Variants in KIF16B observed in about 807,000 individuals in gnomAD.
KIF16B encodes the protein kinesin family member 16B.
KIF16B carries 98 observed loss-of-function variants against 156.3 expected under a neutral mutation model. The observed-to-expected ratio is 0.63, with a 90% CI of 0.53 to 0.74. The LOEUF is 0.74. Among genes scored for constraint, KIF16B ranks in the 30% least tolerant of loss-of-function variants. The pLI is 0.00. For synonymous variants in KIF16B, 564 were observed against 583.7 expected, an observed-to-expected ratio of 0.97 and a Z score of 0.49; for missense variants, 1,421 against 1,606.5, an observed-to-expected ratio of 0.88 and a Z score of 1.97.
At chr20:16,386,633 C>T (rs1157542548) in intron 17 of KIF16B, among the ~76,000 whole-genome samples, 2 of 151,504 alleles carry the variant, frequency 1.3e-5, no homozygotes, top group Non-Finnish European at 2.9e-5. Flanking sequence ...TATCAACAAG[C>T]AGGAGACAGA....
intron 10 of KIF16B, among the ~76,000 whole-genome samples, chr20:16,501,857 G>C (rs1201309404): frequency 1.3e-5 from 2 of 152,134 alleles, no homozygotes; most frequent in African/African-American, 4.8e-5. Flanking sequence ...AGAGAAAGGG[G>C]AGTAGTTCCT....
chr20:16,273,500 AG>A, intron 25 of KIF16B, 89 bp from the exon 26 acceptor site: 2 of 1,036,046 alleles, frequency 1.9e-6, no homozygotes, highest in Admixed American at 1.9e-5. Context: ...AGACCAGTCC[AG>A]GCAACATGGA....
At chr20:16,510,956 C>A (rs2068938076) in intron 6 of KIF16B, among the ~76,000 whole-genome samples, 1 of 152,188 alleles carries the variant, frequency 6.6e-6, no homozygotes, top group Non-Finnish European at 1.5e-5. Flanking sequence ...GCATTCCTCA[C>A]AACTGACTGT....
intron 25 of KIF16B, among the ~76,000 whole-genome samples, chr20:16,284,991 G>C (rs1328911905): frequency 6.6e-6 from 1 of 152,176 alleles, no homozygotes; most frequent in Non-Finnish European, 1.5e-5. Flanking sequence ...ACCATCTTCT[G>C]GAGCTTTCTG....
At chr20:16,312,745 CAT>C (rs756448068) in intron 24 of KIF16B, among the ~76,000 whole-genome samples, 2 of 149,636 alleles carry the variant, frequency 1.3e-5, no homozygotes, top group African/African-American at 4.9e-5. Flanking sequence ...TTTTAAAACA[CAT>C]GTTTGTTCTT....
At chr20:16,476,179 C>T (rs1042624020) in intron 12 of KIF16B, among the ~76,000 whole-genome samples, 4 of 152,186 alleles carry the variant, frequency 2.6e-5, no homozygotes, top group African/African-American at 7.2e-5. Flanking sequence ...AACTAAAACG[C>T]AGTCTGTAGA....
intron 12 of KIF16B, among the ~76,000 whole-genome samples, chr20:16,493,302 C>T (rs928878254): frequency 1.3e-5 from 2 of 152,134 alleles, no homozygotes; most frequent in Non-Finnish European, 2.9e-5. Flanking sequence ...GCAAGGAGAA[C>T]ATTACATAAT....
At chr20:16,513,527 G>A (rs2069028966) in intron 4 of KIF16B, among the ~76,000 whole-genome samples, 1 of 152,022 alleles carries the variant, frequency 6.6e-6, no homozygotes, top group South Asian at 2.1e-4. Context: ...GAGTGTGGTG[G>A]CACATGCCTG....
intron 12 of KIF16B, among the ~76,000 whole-genome samples, chr20:16,461,535 A>T (rs2067344869): frequency 6.6e-6 from 1 of 152,232 alleles, no homozygotes; most frequent in African/African-American, 2.4e-5. Flanking sequence ...TAATTTATAC[A>T]TTAAAAAACA....
At chr20:16,527,150 G>A (rs1306640514) in intron 2 of KIF16B, among the ~76,000 whole-genome samples, 2 of 152,194 alleles carry the variant, frequency 1.3e-5, no homozygotes, top group East Asian at 1.9e-4. Context: ...GTAGAAACAT[G>A]AGAATATGCG....
chr20:16,569,499 A>G (rs2071382450), intron 1 of KIF16B, among the ~76,000 whole-genome samples: 1 of 152,178 alleles, frequency 6.6e-6, no homozygotes, highest in Admixed American at 6.5e-5. Flanking sequence ...AAATAAACTC[A>G]TCACATCTTG....
intron 1 of KIF16B, among the ~76,000 whole-genome samples, chr20:16,560,786 A>G (rs1362833432): frequency 1.3e-5 from 2 of 152,024 alleles, no homozygotes; most frequent in Non-Finnish European, 2.9e-5. Context: ...TATTATCTCA[A>G]AAAAAAAGAA....
intron 1 of KIF16B, among the ~76,000 whole-genome samples, chr20:16,551,398 G>C (rs2070657021): frequency 6.6e-6 from 1 of 152,196 alleles, no homozygotes; most frequent in Non-Finnish European, 1.5e-5. Flanking sequence ...CAAAGTGCTG[G>C]GATTACAGGC....
chr20:16,355,823 GA>G (rs2064429722), intron 23 of KIF16B, among the ~76,000 whole-genome samples: 1 of 152,158 alleles, frequency 6.6e-6, no homozygotes, highest in African/African-American at 2.4e-5. Flanking sequence ...AAACAACAAT[GA>G]AAATAGCAGT....
rs1241913734 is a variant in KIF16B, at chr20:16,379,649, G to T, written c.2353C>A (p.Gln785Lys). 1.9e-6 allele frequency: 3 copies of T among 1,613,954 alleles called. No individual in the cohort carries two copies. Among genetic ancestry groups the T allele is most frequent in the Admixed American group, 3.3e-5 (2 of 60,010 alleles). The change falls in exon 19 of 26, where the codon CAG becomes AAG. Residue 785 changes from glutamine (Q) to lysine (K), a missense_variant. Gln to Lys is a moderately conservative substitution (Grantham distance 53, BLOSUM62 1). Transcript: ENST00000354981. ...MIQLLRRGEVQWVEEEKRDLE... is the reference protein window; with the variant it reads ...MIQLLRRGEVKWVEEEKRDLE... ...TCCCTCTTCTCCTCTTCCACCCACT[G>T]TACCTCCCCACGCCGCAGGAGCTGG...
intron 17 of KIF16B, among the ~76,000 whole-genome samples, chr20:16,385,502 G>T (rs1306222246): frequency 1.3e-5 from 2 of 152,180 alleles, no homozygotes; most frequent in African/African-American, 4.8e-5. Flanking sequence ...CTGAGACCAT[G>T]AACAAGTTAT....
rs146134021 is a variant in KIF16B, at chr20:16,570,766, C to T, written c.47+2463G>A. ...CCACCTCCTTCAGGATGCTCTTCTC[C>T]CTTTCCTGCCATGACCATTTGCTGT... On this transcript the variant is annotated intron_variant, in intron 1 of 25. Transcript: ENST00000354981. 1.4e-3 allele frequency among the ~76,000 whole-genome samples: 212 copies of T among 152,246 alleles called. 1 individual carries two copies. The highest frequency in any genetic ancestry group is 4.8e-3 in the African/African-American group (201 of 41,512).
chr20:16,381,488 C>T (rs1175762036), intron 18 of KIF16B, among the ~76,000 whole-genome samples: 2 of 145,146 alleles, frequency 1.4e-5, no homozygotes, highest in South Asian at 2.2e-4. Context: ...TGAAGATGAA[C>T]GTTTAAAAAA....
chr20:16,556,479 C>T (rs1408383089), intron 1 of KIF16B, among the ~76,000 whole-genome samples: 1 of 152,156 alleles, frequency 6.6e-6, no homozygotes, highest in Non-Finnish European at 1.5e-5. Context: ...TACATCCATG[C>T]CTCTTGCGCA....
Sources: allele counts gnomAD v4.1 joint callset (sites outside exome capture counted in the v4.1 genomes callset), GRCh38; gene constraint gnomAD v4.1.1; transcripts MANE v1.5; gene names NCBI Gene and HGNC (gene_info 2026-07-23, HGNC 2026-07-21).